The following IQCJ variants were observed in gnomAD, a reference collection of about 807,000 sequenced individuals.
IQCJ encodes the protein IQ domain-containing protein J.
Under a neutral mutation model 11.0 loss-of-function variants are expected in IQCJ, and 9 were observed. The observed-to-expected ratio is 0.82, with a 90% confidence interval of 0.49 to 1.43. IQCJ has a LOEUF of 1.43. IQCJ is among the 40% of genes most tolerant of loss of function. IQCJ has a pLI of 0.00. For synonymous variants in IQCJ, 55 were observed against 51.3 expected (o/e 1.07, Z -0.31); for missense variants, 146 against 133.2 (o/e 1.10, Z -0.47).
At chr3:159,187,466 A>T (rs1451732697) in intron 1 of IQCJ, among the ~76,000 whole-genome samples, 1 of 152,242 alleles carries the variant, frequency 6.6e-6, no homozygotes, top group Non-Finnish European at 1.5e-5. Flanking sequence ...AGCTGTGACT[A>T]CACGTCCTTT....
chr3:159,223,088 C>T (rs1387509429), intron 1 of IQCJ, among the ~76,000 whole-genome samples: 1 of 152,010 alleles, frequency 6.6e-6, no homozygotes, highest in Non-Finnish European at 1.5e-5. Context: ...TACTTGAAAA[C>T]AAGACTTCCA....
chr3:159,206,834 T>C (rs1264883400), intron 1 of IQCJ, among the ~76,000 whole-genome samples: 1 of 152,230 alleles, frequency 6.6e-6, no homozygotes, highest in Non-Finnish European at 1.5e-5. Flanking sequence ...GATTCTTCAT[T>C]AATCACATAT....
chr3:159,072,725 T>C (rs951391274), intron 1 of IQCJ, among the ~76,000 whole-genome samples: 3 of 152,086 alleles, frequency 2.0e-5, no homozygotes, highest in Non-Finnish European at 4.4e-5. Flanking sequence ...TCTTATATAG[T>C]CCTCATTGAC....
intron 1 of IQCJ, among the ~76,000 whole-genome samples, chr3:159,230,091 G>T (rs1726158567): frequency 6.6e-6 from 1 of 151,164 alleles, no homozygotes; most frequent in Admixed American, 6.6e-5. Flanking sequence ...ACCTATTTAT[G>T]TCCAGGTATG....
intron 1 of IQCJ, among the ~76,000 whole-genome samples, chr3:159,206,302 A>G (rs1048694981): frequency 1.3e-5 from 2 of 152,196 alleles, no homozygotes; most frequent in Non-Finnish European, 2.9e-5. Context: ...CCACCAATAG[A>G]ATCACAATGA....
At chr3:159,214,462 G>T (rs1577085678) in intron 1 of IQCJ, among the ~76,000 whole-genome samples, 2 of 152,138 alleles carry the variant, frequency 1.3e-5, no homozygotes, top group African/African-American at 2.4e-5. Context: ...GGATTCACTG[G>T]TTTTTTAATT....
At chr3:159,086,452 A>T (rs1716780131) in intron 1 of IQCJ, among the ~76,000 whole-genome samples, 1 of 152,180 alleles carries the variant, frequency 6.6e-6, no homozygotes, top group Admixed American at 6.5e-5. Context: ...AATTCTTTGA[A>T]GAAAGTCATT....
At chr3:159,086,719 G>T (rs1716805019) in intron 1 of IQCJ, among the ~76,000 whole-genome samples, 1 of 152,016 alleles carries the variant, frequency 6.6e-6, no homozygotes, top group South Asian at 2.1e-4. Flanking sequence ...CTGTCTGTTT[G>T]TCTGTTATTG....
chr3:159,075,955 G>T (rs368604343), intron 1 of IQCJ, among the ~76,000 whole-genome samples: 1 of 152,016 alleles, frequency 6.6e-6, no homozygotes, highest in African/African-American at 2.4e-5. Flanking sequence ...GGCTGGTAGG[G>T]TTTGCCCACC....
chr3:159,163,458 G>A (rs957888647), intron 1 of IQCJ, among the ~76,000 whole-genome samples: 1 of 152,214 alleles, frequency 6.6e-6, no homozygotes, highest in African/African-American at 2.4e-5. Flanking sequence ...CAAACCCACA[G>A]CCAGTATCAT....
intron 1 of IQCJ, among the ~76,000 whole-genome samples, chr3:159,166,436 A>G (rs1722170146): frequency 6.6e-6 from 1 of 152,144 alleles, no homozygotes; most frequent in Non-Finnish European, 1.5e-5. Flanking sequence ...AATTCTTATA[A>G]TCTGTCTTTG....
At chr3:159,141,422 C>T (rs572177224) in intron 1 of IQCJ, among the ~76,000 whole-genome samples, 1 of 152,222 alleles carries the variant, frequency 6.6e-6, no homozygotes, top group Non-Finnish European at 1.5e-5. Context: ...TGGGAAGCCA[C>T]TGGAGAGTTT....
At chr3:159,205,720 C>T (rs1360119047) in intron 1 of IQCJ, among the ~76,000 whole-genome samples, 1 of 152,182 alleles carries the variant, frequency 6.6e-6, no homozygotes, top group African/African-American at 2.4e-5. Flanking sequence ...GAGAAGGCAG[C>T]AAGCTATGTG....
chr3:159,101,478 G>T (rs1210838957), intron 1 of IQCJ, among the ~76,000 whole-genome samples: 2 of 152,182 alleles, frequency 1.3e-5, no homozygotes, highest in Non-Finnish European at 2.9e-5. Flanking sequence ...TGGTCCTGTT[G>T]GAGGCAAGGT....
rs143985317 is a variant in IQCJ, at chr3:159,193,101, G to A, written c.10-52742G>A. Among the ~76,000 whole-genome samples the A allele has an allele frequency of 1.6e-4, 25 of 152,234 alleles. No homozygotes were observed. The East Asian group carries it at 1.7e-3, about 11-fold the overall frequency. On this transcript the variant is annotated intron_variant, in intron 1 of 3. Coordinates refer to ENST00000397832, the MANE Select transcript of IQCJ (RefSeq NM_001042706.3). ...CACTGGTCACCATCCTTTTCAGTCCGTAACTGCTACATTTGACCTTCAAAA... is the reference window on the plus strand; with the variant it reads ...CACTGGTCACCATCCTTTTCAGTCCATAACTGCTACATTTGACCTTCAAAA...
intron 1 of IQCJ, among the ~76,000 whole-genome samples, chr3:159,163,196 C>G (rs984565475): frequency 4.6e-5 from 7 of 152,192 alleles, no homozygotes; most frequent in African/African-American, 1.7e-4. Flanking sequence ...CAAACCGAAT[C>G]CAGCAGCACA....
chr3:159,252,677 A>G (rs376264204), intron 2 of IQCJ, 50 bp from the exon 3 acceptor site: 117 of 1,527,104 alleles, frequency 7.7e-5, no homozygotes, highest in Non-Finnish European at 9.9e-5. Context: ...ATTGCTATAG[A>G]TGTTAACCTT....
At chr3:159,091,219 C>G (rs1407712918) in intron 1 of IQCJ, among the ~76,000 whole-genome samples, 1 of 151,716 alleles carries the variant, frequency 6.6e-6, no homozygotes, top group East Asian at 1.9e-4. Context: ...GAGACAATAT[C>G]TTAGTCTATT....
At chr3:159,202,949 C>A (rs1453209294) in intron 1 of IQCJ, among the ~76,000 whole-genome samples, 1 of 152,064 alleles carries the variant, frequency 6.6e-6, no homozygotes, top group Non-Finnish European at 1.5e-5. Context: ...CACAGCTGAG[C>A]CCACAGACAA....
Sources: gnomAD v4.1 joint callset for allele counts (sites outside exome capture counted in the v4.1 genomes callset) on GRCh38, gnomAD v4.1.1 for gene constraint, MANE v1.5 for transcripts, NCBI Gene and HGNC (gene_info 2026-07-23, HGNC 2026-07-21) for gene names.